CLINT1: variants seen among roughly 807,000 people sequenced by gnomAD.
The protein encoded by CLINT1 is clathrin interacting protein localized in the trans-Golgi region.
In CLINT1, 15 loss-of-function variants were observed where a neutral mutation model predicts 70.4. The observed-to-expected ratio is 0.21, with a 90% CI of 0.14 to 0.33. The LOEUF (loss-of-function observed/expected upper bound fraction) is 0.33, where lower values mean the gene tolerates loss of function less well. Among genes scored for constraint, CLINT1 ranks in the 10% least tolerant of loss-of-function variants. The pLI is 1.00. For synonymous variants in CLINT1, 227 were observed against 254.7 expected, an observed-to-expected ratio of 0.89 and a Z score of 1.04; for missense variants, 615 against 778.1, an observed-to-expected ratio of 0.79 and a Z score of 2.49.
At chr5:157,803,307 G>A (rs1354297758) in intron 8 of CLINT1, among the ~76,000 whole-genome samples, 2 of 152,000 alleles carry the variant, frequency 1.3e-5, no homozygotes, top group Non-Finnish European at 2.9e-5. Context: ...TATTAATTAG[G>A]GAAGACACAG....
chr5:157,857,837 G>T (rs1392716874), intron 1 of CLINT1, among the ~76,000 whole-genome samples: 1 of 152,120 alleles, frequency 6.6e-6, no homozygotes, highest in Non-Finnish European at 1.5e-5. Flanking sequence ...ATCAGACAAG[G>T]CACTGGAAAT....
At chr5:157,843,939 C>T (rs1311291319) in intron 1 of CLINT1, among the ~76,000 whole-genome samples, 1 of 151,850 alleles carries the variant, frequency 6.6e-6, no homozygotes, top group East Asian at 1.9e-4. Flanking sequence ...ATATGTATTG[C>T]CAAATATCAG....
chr5:157,851,927 T>A (rs1393964056), intron 1 of CLINT1, among the ~76,000 whole-genome samples: 1 of 152,202 alleles, frequency 6.6e-6, no homozygotes, highest in Non-Finnish European at 1.5e-5. Flanking sequence ...GTAAGCCAAA[T>A]AATTTCTTGC....
chr5:157,794,884 A>T lies in CLINT1; in HGVS notation c.1087+14T>A. The T allele has an allele frequency of 6.4e-7, 1 of 1,553,092 alleles. No homozygotes were observed. The highest frequency in any genetic ancestry group is 8.7e-7 in the Non-Finnish European group (1 of 1,146,806). ...TACCACCCTAGACTTCTGGCCAATC[A>T]AATTGAATCATACCTTGGGAAGGGA... On this transcript the variant is annotated intron_variant, in intron 9 of 11. Transcript: ENST00000411809.
At chr5:157,841,158 C>T (rs542655069) in intron 1 of CLINT1, among the ~76,000 whole-genome samples, 11 of 152,166 alleles carry the variant, frequency 7.2e-5, no homozygotes, top group African/African-American at 2.2e-4. Context: ...TCCAGCTACA[C>T]GGGAGTCTAG....
In CLINT1 at chr5:157,787,621, T is replaced by A. The variant is rs1329313345; in HGVS notation, c.*25A>T. The A allele has an allele frequency of 6.3e-7, 1 of 1,598,506 alleles. No homozygotes were observed. Among genetic ancestry groups the A allele is most frequent in the East Asian group, 2.2e-5 (1 of 44,758 alleles). On this transcript the variant is annotated 3_prime_UTR_variant, in exon 12 of 12. Transcript: ENST00000411809. ...TATCTGCACAGCTAAAAATTCTTCA[T>A]TCAATCTGCTTCTTTTACAATCTCT...
chr5:157,817,070 T>C (rs769418810), intron 2 of CLINT1, among the ~76,000 whole-genome samples: 50 of 152,286 alleles, frequency 3.3e-4, no homozygotes, highest in South Asian at 8.3e-4. Flanking sequence ...ATTAAATTAA[T>C]TAATATACTT....
intron 1 of CLINT1, among the ~76,000 whole-genome samples, chr5:157,831,293 T>C (rs1341422390): frequency 2.0e-5 from 3 of 151,756 alleles, no homozygotes; most frequent in African/African-American, 7.3e-5. Context: ...GTTCAAGCAA[T>C]TCTCCTGCCT....
intron 3 of CLINT1, among the ~76,000 whole-genome samples, chr5:157,815,023 T>C (rs1399260399): frequency 7.1e-6 from 1 of 141,432 alleles, no homozygotes; most frequent in Non-Finnish European, 1.5e-5. Context: ...ACAGAGAAAC[T>C]CTGTCTCAAA....
chr5:157,789,611 T>C (rs1275146131), intron 10 of CLINT1, 98 bp from the exon 11 acceptor site: 2 of 1,524,350 alleles, frequency 1.3e-6, no homozygotes, highest in Non-Finnish European at 1.8e-6. Context: ...ATCTGTTCTA[T>C]AAAAATTATC....
At chr5:157,809,947 A>G (rs1445661987) in intron 5 of CLINT1, 142 bp from the exon 6 acceptor site, 2 of 737,860 alleles carry the variant, frequency 2.7e-6, no homozygotes, top group Admixed American at 6.6e-5. Context: ...CTGAATCAAC[A>G]CAATTACAGC....
intron 1 of CLINT1, among the ~76,000 whole-genome samples, chr5:157,831,190 CTTT>C (rs34655817): frequency 2.1e-5 from 3 of 140,686 alleles, no homozygotes; most frequent in Non-Finnish European, 1.5e-5. Flanking sequence ...TCGTGTTTTA[CTTT>C]TTTTTTTTTT....
At chr5:157,834,861 T>C (rs1052317888) in intron 1 of CLINT1, among the ~76,000 whole-genome samples, 1 of 152,220 alleles carries the variant, frequency 6.6e-6, no homozygotes, top group Non-Finnish European at 1.5e-5. Context: ...CCTTAATATA[T>C]TGTCAGTTTT....
intron 8 of CLINT1, among the ~76,000 whole-genome samples, chr5:157,801,760 T>C (rs961740859): frequency 2.6e-5 from 4 of 152,120 alleles, no homozygotes; most frequent in African/African-American, 9.7e-5. Context: ...TTGAATAAAG[T>C]TCATGCCTAA....
At chr5:157,842,271 T>C (rs1305047998) in intron 1 of CLINT1, among the ~76,000 whole-genome samples, 2 of 152,208 alleles carry the variant, frequency 1.3e-5, no homozygotes, top group Non-Finnish European at 2.9e-5. Context: ...CATGTTGGTA[T>C]GTCAAGCAGT....
chr5:157,836,216 C>CA (rs1763418358), intron 1 of CLINT1, among the ~76,000 whole-genome samples: 1 of 152,208 alleles, frequency 6.6e-6, no homozygotes, highest in African/African-American at 2.4e-5. Flanking sequence ...CAGGCATTGT[C>CA]CTAAGCCACG....
In CLINT1 at chr5:157,785,849, C is replaced by G. The variant is rs1321387870; in HGVS notation, c.*1797G>C. On this transcript the variant is annotated 3_prime_UTR_variant, in exon 12 of 12. Transcript: ENST00000411809. Reference sequence around the variant, plus strand: ...ACTTAAGATGATCGGTTTTAAATATCAGGGACCATATTCTACTATGCGGCC... The same window carrying G: ...ACTTAAGATGATCGGTTTTAAATATGAGGGACCATATTCTACTATGCGGCC... 3.9e-5 allele frequency: 6 copies of G among 152,130 alleles called. No individual in the cohort carries two copies. The allele number at this position is 152,130 out of a possible 1,614,324, so 9.4% of individuals were successfully genotyped here.
chr5:157,854,816 C>A (rs1386213763), intron 1 of CLINT1, among the ~76,000 whole-genome samples: 1 of 152,000 alleles, frequency 6.6e-6, no homozygotes, highest in Non-Finnish European at 1.5e-5. Context: ...TGCCTTAGGA[C>A]CTTAGCCAGA....
At chr5:157,836,118 C>G (rs950547836) in intron 1 of CLINT1, among the ~76,000 whole-genome samples, 5 of 152,278 alleles carry the variant, frequency 3.3e-5, no homozygotes, top group Admixed American at 6.5e-5. Flanking sequence ...AAAGCCAAGA[C>G]TGCTTTTTCT....
Sources: gnomAD v4.1 joint callset for allele counts (sites outside exome capture counted in the v4.1 genomes callset) on GRCh38, gnomAD v4.1.1 for gene constraint, MANE v1.5 for transcripts, NCBI Gene and HGNC (gene_info 2026-07-23, HGNC 2026-07-21) for gene names.